ADGRA3: variants seen among roughly 807,000 people sequenced by gnomAD.
The protein encoded by ADGRA3 is adhesion G protein-coupled receptor A3.
Under a neutral mutation model 119.8 loss-of-function variants are expected in ADGRA3, and 56 were observed. The observed-to-expected ratio is 0.47, with a 90% CI of 0.38 to 0.58. The LOEUF (loss-of-function observed/expected upper bound fraction) is 0.58. ADGRA3 is among the 20% of genes least tolerant of loss of function. ADGRA3 has a pLI of 0.00. For missense variants in ADGRA3, 1,516 were observed against 1,649.0 expected, an observed-to-expected ratio of 0.92 and a Z score of 1.40; for synonymous variants, 607 against 623.8, an observed-to-expected ratio of 0.97 and a Z score of 0.40.
intron 11 of ADGRA3, 130 bp downstream of exon 11, chr4:22,424,061 G>A: frequency 1.7e-6 from 1 of 574,100 alleles, no homozygotes; most frequent in Non-Finnish European, 2.7e-6. Flanking sequence ...ATGTTAAGAA[G>A]AAATTCTGTA....
At chr4:22,498,320 AG>A (rs1577384710) in intron 1 of ADGRA3, among the ~76,000 whole-genome samples, 2 of 152,226 alleles carry the variant, frequency 1.3e-5, no homozygotes, top group East Asian at 3.9e-4. Context: ...GGACAAAAAA[AG>A]AAAACCAGTT....
At position 22,438,409 on chromosome 4, in the gene ADGRA3, A is replaced by G. The variant is rs1208066767; in HGVS notation, c.932T>C (p.Ile311Thr). 2 of 1,613,652 alleles carry G rather than the reference A, an allele frequency of 1.2e-6. No individual in the cohort carries two copies. Among genetic ancestry groups the G allele is most frequent in the Non-Finnish European group, 1.7e-6 (2 of 1,179,800 alleles). The change falls in exon 8 of 19, where the codon ATT (isoleucine) becomes ACT (threonine). Residue 311 changes from isoleucine to threonine, a missense_variant. Transcript: ENST00000334304. ...NCSLIASALT[I>T]SNIQAGSTGN... ...AGTAGATCCAGCCTGAATATTAGAA[A>G]TGGTTAGGGCACTGCATAAAGAAAG...
At chr4:22,473,974 GA>G (rs1717950233) in intron 1 of ADGRA3, 131 bp from the exon 2 acceptor site, 4 of 508,262 alleles carry the variant, frequency 7.9e-6, no homozygotes, top group South Asian at 4.7e-5. Context: ...TGAGATGGCT[GA>G]AAAAAAGTGA....
chr4:22,509,632 C>A (rs113970209), intron 1 of ADGRA3, among the ~76,000 whole-genome samples: 5,351 of 152,208 alleles, frequency 0.035, 153 homozygotes, highest in Non-Finnish European at 0.051. Flanking sequence ...ACCTGGCAAC[C>A]TTCAATTAAC....
intron 7 of ADGRA3, among the ~76,000 whole-genome samples, chr4:22,438,723 G>C (rs1716494757): frequency 6.6e-6 from 1 of 152,156 alleles, no homozygotes; most frequent in Non-Finnish European, 1.5e-5. Flanking sequence ...ACACTTTACA[G>C]AACAGGAATG....
intron 18 of ADGRA3, 52 bp downstream of exon 18, chr4:22,389,036 A>G: frequency 6.3e-7 from 1 of 1,599,602 alleles, no homozygotes; most frequent in Non-Finnish European, 8.5e-7. Flanking sequence ...CCTAGAAAAT[A>G]CTTAAAAGAG....
rs150312982 is a variant in ADGRA3, at chr4:22,417,668, C to T, written c.1809+3218G>A. 2.3e-3 allele frequency among the ~76,000 whole-genome samples: 346 copies of T among 152,232 alleles called. 1 individual carries two copies. Among genetic ancestry groups the T allele is most frequent in the Non-Finnish European group, 3.9e-3 (262 of 68,012 alleles). ...TATCATATGGCCTCTCATTGCAGCT[C>T]GCTCCACCACTGTATCACCTTATAA... On this transcript the variant is annotated intron_variant, in intron 12 of 18. Transcript: ENST00000334304.
intron 2 of ADGRA3, among the ~76,000 whole-genome samples, chr4:22,469,130 T>G (rs982559838): frequency 6.6e-6 from 1 of 152,050 alleles, no homozygotes; most frequent in Non-Finnish European, 1.5e-5. Flanking sequence ...CTCACTTCCC[T>G]CCCTCACCTC....
chr4:22,471,068 A>T (rs1717843854), intron 2 of ADGRA3, among the ~76,000 whole-genome samples: 1 of 152,120 alleles, frequency 6.6e-6, no homozygotes, highest in South Asian at 2.1e-4. Flanking sequence ...AAGACATAGG[A>T]GAGACGCACA....
Position 22,388,858 on chromosome 4 carries a change from A to G in ADGRA3, c.2813T>C (p.Ile938Thr), listed in dbSNP as rs1262223662. ...TFVNCMYFLSIFIQLKRHPER... is the reference protein window; with the variant it reads ...TFVNCMYFLSTFIQLKRHPER... ...AGGGTGTCTTTTCAACTGAATAAAT[A>G]TGCTCAGAAAGTACATGCAGTTTAC... The change falls in exon 19 of 19, where the codon ATA (isoleucine) becomes ACA (threonine). Residue 938 changes from isoleucine to threonine, a missense_variant. By Grantham distance (89) the Ile-to-Thr change is moderately conservative. Transcript: ENST00000334304. 9 of 1,614,112 alleles carry G rather than the reference A, an allele frequency of 5.6e-6. No homozygotes were observed. Among genetic ancestry groups the G allele is most frequent in the South Asian group, 2.2e-5 (2 of 91,084 alleles).
intron 14 of ADGRA3, 51 bp from the exon 15 acceptor site, chr4:22,402,850 A>G (rs1714729021): frequency 3.2e-6 from 5 of 1,555,790 alleles, no homozygotes; most frequent in Non-Finnish European, 1.7e-6. Flanking sequence ...TCCACATTTA[A>G]CTACTGAGAT....
At chr4:22,414,096 T>C in intron 12 of ADGRA3, 1 of 294,504 alleles carries the variant, frequency 3.4e-6, no homozygotes, top group Non-Finnish European at 6.3e-6. Flanking sequence ...CCCATGATAT[T>C]ATATGTTGAA....
chr4:22,403,496 A>C (rs1714759373), intron 14 of ADGRA3, among the ~76,000 whole-genome samples: 1 of 152,028 alleles, frequency 6.6e-6, no homozygotes, highest in Non-Finnish European at 1.5e-5. Flanking sequence ...CCAGCACTTT[A>C]GGAGGCTGAG....
At chr4:22,487,351 G>A (rs961923190) in intron 1 of ADGRA3, among the ~76,000 whole-genome samples, 2 of 152,160 alleles carry the variant, frequency 1.3e-5, no homozygotes, top group Non-Finnish European at 2.9e-5. Flanking sequence ...AAAGGCATTA[G>A]ATTCTCATAA....
chr4:22,420,766 A>G, intron 12 of ADGRA3, 120 bp downstream of exon 12: 2 of 935,784 alleles, frequency 2.1e-6, no homozygotes, highest in Non-Finnish European at 3.3e-6. Context: ...AGCAAAAGCA[A>G]TAATACCTAT....
chr4:22,433,916 G>A (rs933865135), intron 10 of ADGRA3, among the ~76,000 whole-genome samples: 4 of 152,068 alleles, frequency 2.6e-5, no homozygotes, highest in Non-Finnish European at 5.9e-5. Flanking sequence ...GCAGTTATTA[G>A]AAAAAATCAT....
chr4:22,439,353 TAATTCTCTAATATAAAACCTATTA>T (rs1716519211), intron 7 of ADGRA3, among the ~76,000 whole-genome samples: 1 of 152,304 alleles, frequency 6.6e-6, no homozygotes, highest in African/African-American at 2.4e-5. Context: ...GATGAAATCA[TAATTCTCTAATATAAAACCTATTA>T]ATTAAGGAGC....
chr4:22,402,929 AC>A, intron 14 of ADGRA3, 130 bp from the exon 15 acceptor site: 1 of 837,964 alleles, frequency 1.2e-6, no homozygotes, highest in South Asian at 2.0e-5. Context: ...TTTTATTCAG[AC>A]TAATGTTTCA....
intron 3 of ADGRA3, among the ~76,000 whole-genome samples, chr4:22,457,970 T>C (rs1452421138): frequency 1.3e-5 from 2 of 152,046 alleles, no homozygotes; most frequent in Non-Finnish European, 2.9e-5. Flanking sequence ...CTAAAAGCTG[T>C]GACTACAACA....
Sources: gnomAD v4.1 joint callset for allele counts (sites outside exome capture counted in the v4.1 genomes callset) on GRCh38, gnomAD v4.1.1 for gene constraint, MANE v1.5 for transcripts, NCBI Gene and HGNC (gene_info 2026-07-23, HGNC 2026-07-21) for gene names.